HHAT: variants seen among roughly 807,000 people sequenced by gnomAD.
HHAT encodes hedgehog acyltransferase.
HHAT carries 47 observed loss-of-function variants against 70.8 expected under a neutral mutation model. That is an observed-to-expected ratio of 0.66 (90% confidence interval 0.53 to 0.85). HHAT has a LOEUF of 0.85. Ranked by LOEUF, HHAT falls within the 40% of genes least tolerant of loss-of-function variation. The pLI is 0.00. For synonymous variants in HHAT, 228 were observed against 247.6 expected (o/e 0.92, Z 0.74); for missense variants, 609 against 604.8 (o/e 1.01, Z -0.07).
intron 7 of HHAT, among the ~76,000 whole-genome samples, chr1:210,429,905 CT>C: frequency 1.3e-5 from 2 of 151,940 alleles, no homozygotes; most frequent in South Asian, 4.2e-4. Flanking sequence ...GTTTGAAATG[CT>C]GATTTTCCAA....
chr1:210,509,907 G>A (rs2094925778), intron 8 of HHAT, among the ~76,000 whole-genome samples: 1 of 152,108 alleles, frequency 6.6e-6, no homozygotes, highest in Non-Finnish European at 1.5e-5. Context: ...CCCACCTCTG[G>A]AGTTAGAATT....
intron 8 of HHAT, among the ~76,000 whole-genome samples, chr1:210,474,650 T>C (rs1173703532): frequency 6.6e-6 from 1 of 152,156 alleles, no homozygotes; most frequent in East Asian, 1.9e-4. Flanking sequence ...AAAATGTAAA[T>C]GTTGCCATTT....
chr1:210,655,400 G>T (rs1676178011), intron 11 of HHAT, among the ~76,000 whole-genome samples: 1 of 152,196 alleles, frequency 6.6e-6, no homozygotes, highest in African/African-American at 2.4e-5. Context: ...TTGGTTACTG[G>T]TGTTTGATTC....
At chr1:210,602,739 T>C (rs1664562440) in intron 10 of HHAT, among the ~76,000 whole-genome samples, 1 of 152,124 alleles carries the variant, frequency 6.6e-6, no homozygotes, top group Non-Finnish European at 1.5e-5. Context: ...AAAAAAGCAA[T>C]GCGTGTTGTT....
At chr1:210,398,497 A>T (rs1281374068) in intron 4 of HHAT, among the ~76,000 whole-genome samples, 1 of 152,198 alleles carries the variant, frequency 6.6e-6, no homozygotes, top group Non-Finnish European at 1.5e-5. Context: ...TAAATTCATC[A>T]TAGTCTCTCA....
At chr1:210,428,286 CTATATATATATATATATATATA>C (rs66516721) in intron 7 of HHAT, among the ~76,000 whole-genome samples, 6,191 of 100,900 alleles carry the variant, frequency 0.061, 297 homozygotes, top group Non-Finnish European at 0.068. Context: ...TGAGCTTATA[CTATATATATATATATATATATA>C]TATATATATA....
rs572454396 is a variant in HHAT, at chr1:210,635,742, T to C, written c.1390+12072T>C. Among the ~76,000 whole-genome samples, 139 of 152,332 alleles carry C rather than the reference T, an allele frequency of 9.1e-4. No homozygotes were observed. In the South Asian group the frequency reaches 0.011, roughly 12 times the overall value. ...TCATTATAGATTAATTTCTGAAGTT[T>C]GGAGAAAGAATGGTCACTCCAGATT... On this transcript the variant is annotated intron_variant, in intron 11 of 11. Coordinates refer to ENST00000261458, the MANE Select transcript of HHAT (RefSeq NM_018194.6).
At chr1:210,483,254 T>A (rs2094424910) in intron 8 of HHAT, among the ~76,000 whole-genome samples, 1 of 152,168 alleles carries the variant, frequency 6.6e-6, no homozygotes, top group Non-Finnish European at 1.5e-5. Flanking sequence ...TAGTGGGAAA[T>A]TAAATACATC....
intron 10 of HHAT, among the ~76,000 whole-genome samples, chr1:210,614,087 T>C (rs1397880875): frequency 6.6e-6 from 1 of 152,082 alleles, no homozygotes; most frequent in Non-Finnish European, 1.5e-5. Context: ...ATTTATGTCT[T>C]CTTTCAGCAT....
chr1:210,400,732 C>A, intron 5 of HHAT, 70 bp downstream of exon 5: 1 of 1,402,706 alleles, frequency 7.1e-7, no homozygotes, highest in Non-Finnish European at 9.8e-7. Context: ...TCCCAGTAGA[C>A]ACCTTGGTTT....
intron 9 of HHAT, among the ~76,000 whole-genome samples, chr1:210,546,333 GC>G: frequency 6.6e-6 from 1 of 152,344 alleles, no homozygotes; most frequent in Admixed American, 6.5e-5. Flanking sequence ...CATCCACTTG[GC>G]CTGAGGAAGC....
chr1:210,552,543 T>C (rs2095536045), intron 9 of HHAT, among the ~76,000 whole-genome samples: 1 of 152,224 alleles, frequency 6.6e-6, no homozygotes. Flanking sequence ...AAAATTGGAC[T>C]GCTGGGCAGT....
intron 9 of HHAT, among the ~76,000 whole-genome samples, chr1:210,579,310 A>G (rs1658659358): frequency 6.6e-6 from 1 of 152,208 alleles, no homozygotes; most frequent in South Asian, 2.1e-4. Flanking sequence ...TCAAACTCAT[A>G]GAAGCGAAGA....
intron 4 of HHAT, among the ~76,000 whole-genome samples, chr1:210,393,843 G>A (rs1168761013): frequency 2.6e-5 from 4 of 152,136 alleles, no homozygotes; most frequent in Non-Finnish European, 5.9e-5. Flanking sequence ...GCCTGTGGCT[G>A]GGGCACAGTG....
At chr1:210,454,882 C>T (rs951252767) in intron 7 of HHAT, among the ~76,000 whole-genome samples, 1 of 152,218 alleles carries the variant, frequency 6.6e-6, no homozygotes, top group Non-Finnish European at 1.5e-5. Flanking sequence ...AGTCAACTCT[C>T]TCTTGGGTTT....
At chr1:210,363,883 ACT>A (rs1220695789) in intron 3 of HHAT, among the ~76,000 whole-genome samples, 1 of 152,056 alleles carries the variant, frequency 6.6e-6, no homozygotes, top group East Asian at 1.9e-4. Flanking sequence ...GGTTCTGAAC[ACT>A]CTGCTTGCAA....
chr1:210,386,230 CTTTTTTTTTTTTT>C (rs869305965), intron 3 of HHAT, among the ~76,000 whole-genome samples: 56 of 69,930 alleles, frequency 8.0e-4, no homozygotes, highest in Middle Eastern at 0.017. Flanking sequence ...TTCTTTTTTT[CTTTTTTTTTTTTT>C]TTTTTTTTTT....
chr1:210,449,278 C>CTT (rs5780578), intron 7 of HHAT, among the ~76,000 whole-genome samples: 33,509 of 146,892 alleles, frequency 0.23, 4,119 homozygotes, highest in Admixed American at 0.35. Context: ...TCATCCTCTA[C>CTT]TTTTTTTTTT....
intron 3 of HHAT, among the ~76,000 whole-genome samples, chr1:210,367,771 C>T (rs1388838208): frequency 1.3e-5 from 2 of 152,178 alleles, no homozygotes; most frequent in East Asian, 3.9e-4. Context: ...GCTGATTGCA[C>T]TTGCCAAGAC....
Sources: allele counts gnomAD v4.1 joint callset (sites outside exome capture counted in the v4.1 genomes callset), GRCh38; gene constraint gnomAD v4.1.1; transcripts MANE v1.5; gene names NCBI Gene and HGNC (gene_info 2026-07-23, HGNC 2026-07-21).